Variants in BOD1L1 observed in about 807,000 individuals in gnomAD.
BOD1L1 encodes the protein biorientation of chromosomes in cell division 1 like 1, also known as biorientation of chromosomes in cell division protein 1-like 1.
A neutral mutation model predicts 240.7 loss-of-function variants in BOD1L1; 86 were observed. The ratio of observed to expected loss-of-function variants is 0.36; its 90% CI spans 0.30 to 0.43. BOD1L1 has a LOEUF of 0.43. BOD1L1 is among the 20% of genes least tolerant of loss of function. The probability of loss-of-function intolerance (pLI) is 1.00; values close to 1 mark genes in which losing one functional copy is unlikely to be tolerated. For missense variants in BOD1L1, 3,554 were observed against 3,643.5 expected (o/e 0.98, Z 0.63); for synonymous variants, 1,268 against 1,272.3 (o/e 1.00, Z 0.07).
chr4:13,570,077 AG>A lies in BOD1L1; in HGVS notation c.9089del (p.Pro3030LeufsTer17), dbSNP rs1441437990. 6.2e-7 allele frequency: 1 copy of A among 1,605,732 alleles called. No homozygotes were observed. Among genetic ancestry groups the A allele is most frequent in the Non-Finnish European group, 8.5e-7 (1 of 1,176,672 alleles). ...PSIKRKREVSPPGARTRGQQR... is the reference protein window; with the variant it reads ...PSIKRKREVSXPGARTRGQQR... Reference sequence around the variant, plus strand: ...GCTGGCCTCTTGTTCGGGCCCCAGGAGGGCTGACTTCTCTCTTGCGCTTGAT... The same window carrying A: ...GCTGGCCTCTTGTTCGGGCCCCAGGAGGCTGACTTCTCTCTTGCGCTTGAT... On this transcript the variant is annotated frameshift_variant, in exon 26 of 26. Transcript: ENST00000040738. LOFTEE classifies it high-confidence loss of function.
intron 8 of BOD1L1, among the ~76,000 whole-genome samples, chr4:13,608,029 C>A (rs1259169672): frequency 3.3e-5 from 5 of 152,130 alleles, no homozygotes; most frequent in Admixed American, 2.0e-4. Context: ...TCAAGAGTCT[C>A]TTTAGCTTTC....
intron 25 of BOD1L1, chr4:13,572,786 G>C: frequency 7.8e-7 from 1 of 1,289,774 alleles, no homozygotes; most frequent in Non-Finnish European, 1.0e-6. Context: ...AGGAGAAACT[G>C]TGTCTGGGCT....
chr4:13,570,565 C>A (rs1249708201), intron 25 of BOD1L1, among the ~76,000 whole-genome samples: 1 of 152,210 alleles, frequency 6.6e-6, no homozygotes, highest in African/African-American at 2.4e-5. Context: ...TGTTTCGTAG[C>A]ACAGTATTAC....
intron 22 of BOD1L1, among the ~76,000 whole-genome samples, chr4:13,578,448 G>A (rs1560179647): frequency 6.6e-6 from 1 of 152,310 alleles, no homozygotes; most frequent in East Asian, 1.9e-4. Flanking sequence ...GATTAGGAAT[G>A]CTCAACTGGG....
Position 13,604,695 on chromosome 4 carries a change from C to T in BOD1L1, c.2205G>A (p.Ser735=), listed in dbSNP as rs201716332. 129 of 1,595,200 alleles carry T rather than the reference C, an allele frequency of 8.1e-5. No homozygotes were observed. Among genetic ancestry groups the T allele is most frequent in the South Asian group, 1.4e-4 (12 of 85,814 alleles). The change falls in exon 10 of 26, where the codon TCG becomes TCA. Residue 735 remains serine, a synonymous_variant. Coordinates refer to ENST00000040738, the MANE Select transcript of BOD1L1 (RefSeq NM_148894.3). ...KEKPEREKTP[S]EDKLSVKHKY... ...TATGTTTCACAGACAATTTGTCTTC[C>T]GATGGAGTTTTCTCTCTTTCAGGCT... is the stretch of plus-strand genomic sequence containing the variant.
rs1715434443 is a variant in BOD1L1, at chr4:13,603,819, A to G, written c.3081T>C (p.His1027=). The change falls in exon 10 of 26, where the codon CAT becomes CAC. Residue 1027 remains histidine, a synonymous_variant. Transcript: ENST00000040738. ...CCTTCTTTTTTATGTCTTTACTACTATGCTTTAAGCTTCTGCTTTTGTGGC... is the reference window on the plus strand; with the variant it reads ...CCTTCTTTTTTATGTCTTTACTACTGTGCTTTAAGCTTCTGCTTTTGTGGC... ...SDGHKSRSLK[H]SSKDIKKKDE... 6.2e-7 allele frequency: 1 copy of G among 1,613,334 alleles called. No individual in the cohort carries two copies. Among genetic ancestry groups the G allele is most frequent in the South Asian group, 1.1e-5 (1 of 91,076 alleles).
chr4:13,618,841 G>A (rs948188269), intron 2 of BOD1L1, among the ~76,000 whole-genome samples: 8 of 147,902 alleles, frequency 5.4e-5, no homozygotes, highest in African/African-American at 2.0e-4. Flanking sequence ...AGAGGTGGCA[G>A]GTATAAAACA....
In BOD1L1 at chr4:13,602,233, C is replaced by A; in HGVS notation, c.4667G>T (p.Ser1556Ile). The A allele has an allele frequency of 6.2e-7, 1 of 1,613,810 alleles. No homozygotes were observed. ...TATGAGGCCTTCATCTGCCTCAATG[C>A]TGGTGCAAGGCAAAGCCACCTCACT... ...RQSEVALPCT[S>I]IEADEGLIIG... is the part of the protein sequence containing the mutation. Residue 1556 changes from serine (S) to isoleucine (I), a missense_variant, in exon 10 of 26, where the codon AGC becomes ATC. Around this residue, in one of 2 missense-constraint regions of BOD1L1, gnomAD observed 3,393 missense variants for 3,427.1 expected, o/e 0.99. Transcript: ENST00000040738.
intron 6 of BOD1L1, 86 bp from the exon 7 acceptor site, chr4:13,609,492 C>T: frequency 1.2e-6 from 1 of 838,692 alleles, no homozygotes; most frequent in African/African-American, 1.8e-5. Flanking sequence ...TTTTAGTTTA[C>T]CCTTCAGATG....
intron 6 of BOD1L1, 148 bp downstream of exon 6, chr4:13,610,786 A>G (rs1716094544): frequency 3.7e-6 from 2 of 546,556 alleles, no homozygotes; most frequent in South Asian, 6.9e-5. Context: ...ACATGTTTAC[A>G]TCTACTCTAC....
Position 13,608,720 on chromosome 4 carries a change from T to C in BOD1L1, c.1604-52A>G, listed in dbSNP as rs1056033947. Reference sequence around the variant, plus strand: ...TATTTCAGAAAAGTTTTACAAACAATGTAATATTAATTTTTCATTAAGATT... The same window carrying C: ...TATTTCAGAAAAGTTTTACAAACAACGTAATATTAATTTTTCATTAAGATT... On this transcript the variant is annotated intron_variant, in intron 7 of 25. Coordinates refer to ENST00000040738, the MANE Select transcript of BOD1L1 (RefSeq NM_148894.3). The C allele has an allele frequency of 3.7e-6, 5 of 1,336,722 alleles. No individual in the cohort carries two copies. The African/African-American group carries it at 6.1e-5, about 16-fold the overall frequency. The allele number at this position is 1,336,722 out of a possible 1,614,324, so 82.8% of individuals were successfully genotyped here.
In BOD1L1 at chr4:13,608,534, A is replaced by G; in HGVS notation, c.1738T>C (p.Ser580Pro). ...ATGACCAGATAAAATATGTACCTTGAATCTTTTTTTCTCTTTTTGCTTAAG... is the reference window on the plus strand; with the variant it reads ...ATGACCAGATAAAATATGTACCTTGGATCTTTTTTTCTCTTTTTGCTTAAG... ...VALSKKRKKDSRNVEENSKKK... is the reference protein window; with the variant it reads ...VALSKKRKKDPRNVEENSKKK... The change falls in exon 8 of 26, where the codon TCA (serine) becomes CCA (proline). Residue 580 changes from serine to proline, a missense_variant. This residue lies in a region of BOD1L1 where 3,393 missense variants were observed against 3,427.1 expected (regional missense o/e 0.99). Coordinates refer to ENST00000040738, the MANE Select transcript of BOD1L1 (RefSeq NM_148894.3). The G allele has an allele frequency of 6.5e-7, 1 of 1,537,946 alleles. No individual in the cohort carries two copies. The highest frequency in any genetic ancestry group is 8.7e-7 in the Non-Finnish European group (1 of 1,146,484).
At chr4:13,582,093 T>C in intron 19 of BOD1L1, 144 bp downstream of exon 19, 1 of 624,408 alleles carries the variant, frequency 1.6e-6, no homozygotes, top group Non-Finnish European at 2.8e-6. Flanking sequence ...AAATGCACTG[T>C]ATGAAATGGT....
chr4:13,597,425 AAAGT>A (rs1455208930), intron 10 of BOD1L1, among the ~76,000 whole-genome samples: 1 of 152,242 alleles, frequency 6.6e-6, no homozygotes, highest in East Asian at 1.9e-4. Context: ...AAGAATGACA[AAAGT>A]ATTATCTGTG....
At chr4:13,610,454 C>T (rs1716068047) in intron 6 of BOD1L1, among the ~76,000 whole-genome samples, 1 of 152,224 alleles carries the variant, frequency 6.6e-6, no homozygotes, top group Non-Finnish European at 1.5e-5. Flanking sequence ...TCTTTGAGCA[C>T]TGACATGCTG....
chr4:13,600,473 T>A lies in BOD1L1; in HGVS notation c.6427A>T (p.Met2143Leu). Residue 2143 changes from methionine (M) to leucine (L), a missense_variant, in exon 10 of 26, where the codon ATG (methionine) becomes TTG (leucine). By Grantham distance (15) the Met-to-Leu change is conservative. Around this residue, in one of 2 missense-constraint regions of BOD1L1, gnomAD observed 3,393 missense variants for 3,427.1 expected, o/e 0.99. Coordinates refer to ENST00000040738, the MANE Select transcript of BOD1L1 (RefSeq NM_148894.3). ...SRSEEKDECA[M>L]ISTSIGEEFE... ...TCTTCCCCTATGCTTGTGGAAATCATGGCACACTCATCTTTCTCTTCACTT... is the reference window on the plus strand; with the variant it reads ...TCTTCCCCTATGCTTGTGGAAATCAAGGCACACTCATCTTTCTCTTCACTT... 1 of 1,613,964 alleles carries A rather than the reference T, an allele frequency of 6.2e-7. No individual in the cohort carries two copies. Among genetic ancestry groups the A allele is most frequent in the Non-Finnish European group, 8.5e-7 (1 of 1,179,898 alleles).
chr4:13,572,911 A>AAGTATGAGGCTCCTTGTGGGC, intron 25 of BOD1L1: 1 of 1,228,090 alleles, frequency 8.1e-7, no homozygotes, highest in Non-Finnish European at 1.1e-6. Flanking sequence ...ACTCTGTAGG[A>AAGTATGAGGCTCCTTGTGGGC]AGTATGAGGC....
intron 15 of BOD1L1, among the ~76,000 whole-genome samples, chr4:13,588,427 G>A (rs1446664502): frequency 6.6e-6 from 1 of 152,056 alleles, no homozygotes; most frequent in East Asian, 1.9e-4. Context: ...ATCACAATTA[G>A]TATTTTTCTA....
rs144385470 is a variant in BOD1L1, at chr4:13,596,483, C to A, written c.8020-539G>T. Among the ~76,000 whole-genome samples the A allele has an allele frequency of 7.0e-3, 1,060 of 152,108 alleles. 5 individuals carry two copies. The highest frequency in any genetic ancestry group is 0.011 in the Non-Finnish European group (752 of 67,994). On this transcript the variant is annotated intron_variant, in intron 11 of 25. Transcript: ENST00000040738. ...TTTCCTCTGTAGTGTTCATAACCCC[C>A]ATGTTCACTGCTGTTTTGTCACATA...
Sources: gnomAD v4.1 joint callset for allele counts (sites outside exome capture counted in the v4.1 genomes callset) on GRCh38, gnomAD v4.1.1 for gene constraint, gnomAD v4.1.1 regional missense constraint, MANE v1.5 for transcripts, NCBI Gene and HGNC (gene_info 2026-07-23, HGNC 2026-07-21) for gene names.